Variants in PGR observed in about 807,000 individuals in gnomAD.
PGR encodes the protein progesterone receptor, also known as nuclear receptor subfamily 3 group C member 3.
A neutral mutation model predicts 76.1 loss-of-function variants in PGR; 25 were observed. The observed-to-expected ratio is 0.33, with a 90% CI of 0.24 to 0.46. The LOEUF is 0.46. Among genes scored for constraint, PGR ranks in the 20% least tolerant of loss-of-function variants. The pLI, the probability that PGR is intolerant of heterozygous loss-of-function variation, is 1.00. For synonymous variants in PGR, 579 were observed against 535.0 expected, an observed-to-expected ratio of 1.08 and a Z score of -1.14; for missense variants, 1,172 against 1,225.3, an observed-to-expected ratio of 0.96 and a Z score of 0.65.
intron 4 of PGR, among the ~76,000 whole-genome samples, chr11:101,061,145 A>G (rs1452813295): frequency 6.6e-6 from 1 of 152,224 alleles, no homozygotes; most frequent in Non-Finnish European, 1.5e-5. Context: ...TCATTTTTAA[A>G]CAGAAAAAGT....
chr11:101,093,227 A>C (rs980137564), intron 2 of PGR, among the ~76,000 whole-genome samples: 3 of 152,154 alleles, frequency 2.0e-5, no homozygotes, highest in African/African-American at 7.2e-5. Flanking sequence ...GAAGCCTCAT[A>C]TCTTTGCTGA....
In PGR at chr11:101,091,945, A is replaced by T; in HGVS notation, c.1790-69T>A. On this transcript the variant is annotated intron_variant, in intron 2 of 7. Coordinates refer to ENST00000325455, the MANE Select transcript of PGR (RefSeq NM_000926.4). ...TTCACTGGAAATTCTATGCAGTGAC[A>T]ACTGAAATAGAGACTAGATACACAT... 7.4e-6 allele frequency: 6 copies of T among 814,068 alleles called. No individual in the cohort carries two copies. The South Asian group carries it at 8.4e-5, about 11-fold the overall frequency. The allele number at this position is 814,068 out of a possible 1,614,324, so 50.4% of individuals were successfully genotyped here.
chr11:101,083,317 C>T (rs192182683), intron 3 of PGR, among the ~76,000 whole-genome samples: 5 of 152,326 alleles, frequency 3.3e-5, no homozygotes, highest in East Asian at 3.9e-4. Context: ...CTGCTTCAAG[C>T]GCAGAGACCT....
intron 2 of PGR, among the ~76,000 whole-genome samples, chr11:101,104,830 A>G (rs11571167): frequency 6.6e-6 from 1 of 152,022 alleles, no homozygotes; most frequent in Non-Finnish European, 1.5e-5. Flanking sequence ...TATTTTTCCT[A>G]AGATAGAATC....
At chr11:101,117,440 TCTTTGA>T (rs912953006) in intron 2 of PGR, among the ~76,000 whole-genome samples, 1 of 152,144 alleles carries the variant, frequency 6.6e-6, no homozygotes, top group Non-Finnish European at 1.5e-5. Flanking sequence ...TTTGTTGTTG[TCTTTGA>T]CTTTATGAAT....
chr11:101,076,919 A>ATTT (rs59106149), intron 3 of PGR, among the ~76,000 whole-genome samples: 2,353 of 64,916 alleles, frequency 0.036, 244 homozygotes, highest in Non-Finnish European at 0.056. Context: ...TACAAATGGA[A>ATTT]TTTTTTTTTT....
chr11:101,127,767 C>A lies in PGR; in HGVS notation c.1304G>T (p.Gly435Val), dbSNP rs1192092684. 4 of 1,562,418 alleles carry A rather than the reference C, an allele frequency of 2.6e-6. No individual in the cohort carries two copies. Among genetic ancestry groups the A allele is most frequent in the South Asian group, 1.2e-5 (1 of 86,268 alleles). ...GGGTGCGGCCGTCACCGCCGCTTCC[C>A]CGGGTCTGGATGGGGTCGCTCGCGG... Reference protein sequence around the residue: ...LPPRATPSRPGEAAVTAAPAS... With the variant: ...LPPRATPSRPVEAAVTAAPAS... The change falls in exon 1 of 8, where the codon GGG (glycine) becomes GTG (valine). Residue 435 changes from glycine to valine, a missense_variant. Gly to Val is a moderately radical substitution (Grantham distance 109). Coordinates refer to ENST00000325455, the MANE Select transcript of PGR (RefSeq NM_000926.4).
chr11:101,067,225 T>C (rs139258929), intron 3 of PGR, among the ~76,000 whole-genome samples: 1,823 of 152,314 alleles, frequency 0.012, 14 homozygotes, highest in Non-Finnish European at 0.02. Context: ...ACCTAATTTA[T>C]ATTTCTGCAT....
chr11:101,125,610 T>C (rs1227009826), intron 2 of PGR, among the ~76,000 whole-genome samples: 1 of 152,210 alleles, frequency 6.6e-6, no homozygotes, highest in East Asian at 1.9e-4. Context: ...TACATGTACA[T>C]ATGTGTCAAC....
At chr11:101,119,455 T>C (rs1862607706) in intron 2 of PGR, among the ~76,000 whole-genome samples, 2 of 152,168 alleles carry the variant, frequency 1.3e-5, no homozygotes, top group Non-Finnish European at 2.9e-5. Flanking sequence ...AATGTGGCCA[T>C]GCTGTTAGAA....
rs115631113 is a variant in PGR, at chr11:101,098,839, T to A, written c.1790-6963A>T. Among the ~76,000 whole-genome samples the A allele has an allele frequency of 6.0e-3, 917 of 152,324 alleles. 11 individuals are homozygous for A. Among genetic ancestry groups the A allele is most frequent in the African/African-American group, 0.021 (865 of 41,556 alleles). ...ACTGCCTTAGCAATGAAAACAGGGC[T>A]AGAAAACACTACACAGAAAATGCCA... On this transcript the variant is annotated intron_variant, in intron 2 of 7. Transcript: ENST00000325455.
At chr11:101,114,460 G>A (rs1343883165) in intron 2 of PGR, among the ~76,000 whole-genome samples, 6 of 152,100 alleles carry the variant, frequency 3.9e-5, no homozygotes, top group African/African-American at 1.4e-4. Context: ...ATCCTGCTGA[G>A]GACATTATGT....
At chr11:101,119,781 T>C (rs1223491049) in intron 2 of PGR, among the ~76,000 whole-genome samples, 1 of 152,214 alleles carries the variant, frequency 6.6e-6, no homozygotes, top group East Asian at 1.9e-4. Context: ...TAAGAGACCA[T>C]GTATTTATCT....
rs140730868 is a variant in PGR, at chr11:101,075,074, T to C, written c.1907-12322A>G. Among the ~76,000 whole-genome samples the C allele has an allele frequency of 8.5e-3, 1,291 of 152,198 alleles. 8 individuals are homozygous for C. Among genetic ancestry groups the C allele is most frequent in the Non-Finnish European group, 0.013 (877 of 67,992 alleles). ...CATCAGGCTAGCTGACTTCAAACTA[T>C]ACTACAAGGCTACAGTAGCCAAAAC... is the stretch of plus-strand genomic sequence containing the variant. On this transcript the variant is annotated intron_variant, in intron 3 of 7. Coordinates refer to ENST00000325455, the MANE Select transcript of PGR (RefSeq NM_000926.4).
intron 3 of PGR, among the ~76,000 whole-genome samples, chr11:101,076,174 T>G (rs570160226): frequency 3.9e-5 from 6 of 152,242 alleles, no homozygotes; most frequent in Admixed American, 2.6e-4. Flanking sequence ...TGCAGGGACA[T>G]GGATGAAGCT....
intron 3 of PGR, among the ~76,000 whole-genome samples, chr11:101,074,784 C>T (rs910406156): frequency 6.6e-6 from 1 of 151,964 alleles, no homozygotes; most frequent in African/African-American, 2.4e-5. Context: ...TGTGAAGGAC[C>T]CCTTCAAGGA....
At position 101,080,974 on chromosome 11, in the gene PGR, T is replaced by C. The variant is rs919251101; in HGVS notation, c.1906+10786A>G. 2.6e-5 allele frequency among the ~76,000 whole-genome samples: 4 copies of C among 152,120 alleles called. No individual in the cohort carries two copies. The East Asian group carries it at 7.7e-4, about 29-fold the overall frequency. On this transcript the variant is annotated intron_variant, in intron 3 of 7. Transcript: ENST00000325455. ...TGAGCTGTTTTTGAGAAATATAAGATTATATAAAGCAAAAAAACCCTATGA... is the reference window on the plus strand; with the variant it reads ...TGAGCTGTTTTTGAGAAATATAAGACTATATAAAGCAAAAAAACCCTATGA...
At chr11:101,083,528 G>C (rs969160395) in intron 3 of PGR, among the ~76,000 whole-genome samples, 2 of 152,224 alleles carry the variant, frequency 1.3e-5, no homozygotes, top group African/African-American at 2.4e-5. Context: ...TGTAAAAGCA[G>C]CTGTGGGGGC....
Position 101,087,794 on chromosome 11 carries a change from A to G in PGR, c.1906+3966T>C, listed in dbSNP as rs567516801. Reference sequence around the variant, plus strand: ...AAAAGACTTGAACAGACATTTCTCAAAAGGAGACATACAAGCAGCCAACAA... The same window carrying G: ...AAAAGACTTGAACAGACATTTCTCAGAAGGAGACATACAAGCAGCCAACAA... On this transcript the variant is annotated intron_variant, in intron 3 of 7. Coordinates refer to ENST00000325455, the MANE Select transcript of PGR (RefSeq NM_000926.4). 1.7e-4 allele frequency among the ~76,000 whole-genome samples: 26 copies of G among 152,300 alleles called. No homozygotes were observed. The South Asian group carries it at 5.2e-3, about 30-fold the overall frequency.
Sources: gnomAD v4.1 joint callset for allele counts (sites outside exome capture counted in the v4.1 genomes callset) on GRCh38, gnomAD v4.1.1 for gene constraint, MANE v1.5 for transcripts, NCBI Gene and HGNC (gene_info 2026-07-23, HGNC 2026-07-21) for gene names.